Variants in KCNIP4 observed in about 807,000 individuals in gnomAD.
KCNIP4 encodes the protein Kv channel-interacting protein 4.
A neutral mutation model predicts 34.0 loss-of-function variants in KCNIP4; 12 were observed. The ratio of observed to expected loss-of-function variants is 0.35; its 90% CI spans 0.23 to 0.57. The LOEUF (loss-of-function observed/expected upper bound fraction) is 0.57, where lower values mean the gene tolerates loss of function less well. KCNIP4 is among the 20% of genes least tolerant of loss of function. The pLI, the probability that KCNIP4 is intolerant of heterozygous loss-of-function variation, is 0.83. For synonymous variants in KCNIP4, 124 were observed against 102.2 expected (o/e 1.21, Z -1.29); for missense variants, 238 against 311.7 (o/e 0.76, Z 1.78).
chr4:20,794,033 T>C (rs1343514906), intron 3 of KCNIP4, among the ~76,000 whole-genome samples: 1 of 152,156 alleles, frequency 6.6e-6, no homozygotes, highest in East Asian at 1.9e-4. Context: ...AAAAAGTAGA[T>C]TTCCCCTGCA....
At chr4:20,946,143 G>C (rs1036746329) in intron 1 of KCNIP4, among the ~76,000 whole-genome samples, 3 of 152,064 alleles carry the variant, frequency 2.0e-5, no homozygotes, top group African/African-American at 4.8e-5. Context: ...TTCTGGTGGT[G>C]GTGGGTAGGA....
chr4:21,397,576 T>G (rs1723112317), intron 1 of KCNIP4, among the ~76,000 whole-genome samples: 1 of 152,096 alleles, frequency 6.6e-6, no homozygotes, highest in Non-Finnish European at 1.5e-5. Context: ...AATCACTGAG[T>G]TTTTTTACAG....
At chr4:20,804,746 T>G (rs1250228895) in intron 3 of KCNIP4, among the ~76,000 whole-genome samples, 2 of 152,222 alleles carry the variant, frequency 1.3e-5, no homozygotes, top group Admixed American at 1.3e-4. Flanking sequence ...AATGTATTTA[T>G]TTACGGAATA....
chr4:21,885,751 C>T (rs943159956), intron 1 of KCNIP4, among the ~76,000 whole-genome samples: 2 of 152,108 alleles, frequency 1.3e-5, no homozygotes, highest in Non-Finnish European at 2.9e-5. Context: ...ACACTTCCTT[C>T]CAATAAAATA....
At chr4:20,835,697 T>C (rs1718958260) in intron 3 of KCNIP4, among the ~76,000 whole-genome samples, 1 of 152,136 alleles carries the variant, frequency 6.6e-6, no homozygotes, top group Admixed American at 6.6e-5. Context: ...ATCCAACCAC[T>C]AGAATTTATC....
chr4:20,775,326 G>T (rs1301270317), intron 3 of KCNIP4, among the ~76,000 whole-genome samples: 1 of 152,120 alleles, frequency 6.6e-6, no homozygotes, highest in Non-Finnish European at 1.5e-5. Flanking sequence ...GCCATGGATT[G>T]CAATGTAAAT....
chr4:21,501,337 T>C (rs1327983519), intron 1 of KCNIP4, among the ~76,000 whole-genome samples: 2 of 151,678 alleles, frequency 1.3e-5, no homozygotes, highest in Non-Finnish European at 2.9e-5. Flanking sequence ...GTCATCACTT[T>C]GCACATGTAG....
Position 21,907,387 on chromosome 4 carries a change from T to G in KCNIP4, c.61+41184A>C, listed in dbSNP as rs1003866470. On this transcript the variant is annotated intron_variant, in intron 1 of 8. Transcript: ENST00000382152. ...CAGTACGAAAGCCTTCACCAGAAGCTGCCACCATGTTCTTGGACTTTCTAG... is the reference window on the plus strand; with the variant it reads ...CAGTACGAAAGCCTTCACCAGAAGCGGCCACCATGTTCTTGGACTTTCTAG... Among the ~76,000 whole-genome samples, 3 of 152,320 alleles carry G rather than the reference T, an allele frequency of 2.0e-5. No homozygotes were observed. The South Asian group carries it at 6.2e-4, about 32-fold the overall frequency.
In KCNIP4 at chr4:20,822,739, A is replaced by G. The variant is rs115039541; in HGVS notation, c.288+27804T>C. Among the ~76,000 whole-genome samples the G allele has an allele frequency of 3.6e-3, 555 of 152,300 alleles. 6 individuals carry two copies. The highest frequency in any genetic ancestry group is 0.013 in the African/African-American group (535 of 41,562). On this transcript the variant is annotated intron_variant, in intron 3 of 8. Coordinates refer to ENST00000382152, the MANE Select transcript of KCNIP4 (RefSeq NM_025221.6). Reference sequence around the variant, plus strand: ...TGAATTTTCACGGGGCCAGGGGTGGAATATTATTGTTTGAATATATATGTT... The same window carrying G: ...TGAATTTTCACGGGGCCAGGGGTGGGATATTATTGTTTGAATATATATGTT...
chr4:20,906,329 C>G (rs1258308829), intron 1 of KCNIP4, among the ~76,000 whole-genome samples: 1 of 152,256 alleles, frequency 6.6e-6, no homozygotes, highest in East Asian at 1.9e-4. Flanking sequence ...TTATCAGTCC[C>G]TTACCCCGTC....
chr4:21,355,088 G>A (rs1055586876), intron 1 of KCNIP4, among the ~76,000 whole-genome samples: 3 of 152,216 alleles, frequency 2.0e-5, no homozygotes, highest in African/African-American at 7.2e-5. Context: ...AAATAAATAT[G>A]TTCTTTGAAA....
intron 1 of KCNIP4, among the ~76,000 whole-genome samples, chr4:20,906,232 C>T (rs1254850888): frequency 1.3e-5 from 2 of 152,022 alleles, no homozygotes; most frequent in East Asian, 1.9e-4. Context: ...GCCTATTGGG[C>T]TGCTTTTTAA....
At chr4:21,595,474 T>C (rs1247481958) in intron 1 of KCNIP4, among the ~76,000 whole-genome samples, 1 of 152,122 alleles carries the variant, frequency 6.6e-6, no homozygotes, top group East Asian at 1.9e-4. Context: ...GTCTTTATAG[T>C]AGAATGATTT....
chr4:20,837,680 A>T (rs1195857145), intron 3 of KCNIP4, among the ~76,000 whole-genome samples: 100 of 89,894 alleles, frequency 1.1e-3, no homozygotes, highest in Middle Eastern at 6.3e-3. Flanking sequence ...ATATATATAT[A>T]TATATATTTT....
chr4:21,709,782 C>A (rs1203301022), intron 1 of KCNIP4, among the ~76,000 whole-genome samples: 1 of 152,168 alleles, frequency 6.6e-6, no homozygotes, highest in Non-Finnish European at 1.5e-5. Context: ...CATATATACT[C>A]AGTGATGTCT....
At chr4:21,179,572 A>G (rs1175055864) in intron 1 of KCNIP4, among the ~76,000 whole-genome samples, 2 of 152,176 alleles carry the variant, frequency 1.3e-5, no homozygotes, top group African/African-American at 4.8e-5. Flanking sequence ...TTCTTTAGTC[A>G]TGGGTAAATA....
At chr4:21,187,491 G>A (rs558989008) in intron 1 of KCNIP4, among the ~76,000 whole-genome samples, 14 of 152,208 alleles carry the variant, frequency 9.2e-5, no homozygotes, top group South Asian at 4.2e-4. Context: ...TACCTAATTC[G>A]TTAAAATTCA....
At chr4:21,630,626 T>C (rs543192889) in intron 1 of KCNIP4, among the ~76,000 whole-genome samples, 4 of 152,138 alleles carry the variant, frequency 2.6e-5, no homozygotes, top group Non-Finnish European at 5.9e-5. Context: ...TTAGGCTTAT[T>C]GCCATCAATT....
intron 1 of KCNIP4, among the ~76,000 whole-genome samples, chr4:21,270,653 T>G (rs11936275): frequency 0.19 from 28,700 of 152,052 alleles, 3,621 homozygotes; most frequent in African/African-American, 0.35. Flanking sequence ...CTCATTCAAT[T>G]AATTTTTTTC....
Sources: allele counts gnomAD v4.1 joint callset (sites outside exome capture counted in the v4.1 genomes callset), GRCh38; gene constraint gnomAD v4.1.1; transcripts MANE v1.5; gene names NCBI Gene and HGNC (gene_info 2026-07-23, HGNC 2026-07-21).